The following EYA4 variants were observed in gnomAD, a reference collection of about 807,000 sequenced individuals.
EYA4 encodes the protein protein phosphatase EYA4.
EYA4 carries 31 observed loss-of-function variants against 87.9 expected under a neutral mutation model. The ratio of observed to expected loss-of-function variants is 0.35; its 90% CI spans 0.27 to 0.48. The LOEUF (loss-of-function observed/expected upper bound fraction) is 0.48. Among genes scored for constraint, EYA4 ranks in the 20% least tolerant of loss-of-function variants. The pLI is 0.99. For missense variants in EYA4, 678 were observed against 761.4 expected, an observed-to-expected ratio of 0.89 and a Z score of 1.29; for synonymous variants, 263 against 270.6, an observed-to-expected ratio of 0.97 and a Z score of 0.28.
At chr6:133,375,329 G>A (rs1375501151) in intron 2 of EYA4, among the ~76,000 whole-genome samples, 1 of 151,898 alleles carries the variant, frequency 6.6e-6, no homozygotes, top group Non-Finnish European at 1.5e-5. Flanking sequence ...TTATATTTAG[G>A]ATATGAGTAT....
Position 133,530,919 on chromosome 6 carries a change from C to G in EYA4, c.*2114C>G. On this transcript the variant is annotated 3_prime_UTR_variant, in exon 20 of 20. Coordinates refer to ENST00000355286, the MANE Select transcript of EYA4 (RefSeq NM_004100.5). ...AGCAGTTAAAAAAATTTAAATGTTG[C>G]CTTGATTATCAGTACTTAATTATGT... The G allele has an allele frequency of 8.9e-7, 1 of 1,124,426 alleles. No homozygotes were observed. Among genetic ancestry groups the G allele is most frequent in the Non-Finnish European group, 1.1e-6 (1 of 919,084 alleles). The allele number at this position is 1,124,426 out of a possible 1,614,324, so 69.7% of individuals were successfully genotyped here. A position where few individuals can be genotyped will look rare whatever the true frequency, so the allele number is the denominator to read the frequency against.
chr6:133,285,163 A>C (rs1337528738), intron 2 of EYA4, among the ~76,000 whole-genome samples: 1 of 151,514 alleles, frequency 6.6e-6, no homozygotes, highest in Non-Finnish European at 1.5e-5. Context: ...CGCCCGGCTA[A>C]TTTTTTGTAT....
intron 13 of EYA4, among the ~76,000 whole-genome samples, chr6:133,490,959 CACAAT>C (rs1337046258): frequency 2.6e-5 from 4 of 152,092 alleles, no homozygotes; most frequent in African/African-American, 9.7e-5. Flanking sequence ...CATGTTAGGC[CACAAT>C]ACAAGTCTTT....
At chr6:133,404,913 G>A (rs1271993662) in intron 3 of EYA4, among the ~76,000 whole-genome samples, 2 of 152,148 alleles carry the variant, frequency 1.3e-5, no homozygotes, top group African/African-American at 2.4e-5. Flanking sequence ...CAACATCTAC[G>A]ATTTCATTCT....
chr6:133,499,542 A>T (rs9483584), intron 13 of EYA4, among the ~76,000 whole-genome samples: 1 of 152,214 alleles, frequency 6.6e-6, no homozygotes, highest in African/African-American at 2.4e-5. Context: ...CCTTCATCAT[A>T]CAATTTAAGC....
chr6:133,358,688 T>C (rs1269347684), intron 2 of EYA4, among the ~76,000 whole-genome samples: 1 of 152,216 alleles, frequency 6.6e-6, no homozygotes, highest in Non-Finnish European at 1.5e-5. Context: ...ATTTGTTGAG[T>C]GCTATTCTGC....
chr6:133,473,953 CA>C (rs1795500884), intron 11 of EYA4, among the ~76,000 whole-genome samples: 1 of 151,998 alleles, frequency 6.6e-6, no homozygotes, highest in African/African-American at 2.4e-5. Flanking sequence ...TGTGTTGCAT[CA>C]AGGATCTTAC....
chr6:133,472,397 A>G (rs1795349135), intron 11 of EYA4, among the ~76,000 whole-genome samples: 1 of 94,642 alleles, frequency 1.1e-5, no homozygotes. Flanking sequence ...CATGTAGTTG[A>G]GTGGCTTTGA....
At chr6:133,285,763 A>G (rs9389065) in intron 2 of EYA4, among the ~76,000 whole-genome samples, 89,540 of 152,046 alleles carry the variant, frequency 0.59, 27,924 homozygotes, top group African/African-American at 0.79. Flanking sequence ...CATTGGGGTT[A>G]ATCTAAGATG....
At chr6:133,249,121 A>G (rs1222117753) in intron 1 of EYA4, among the ~76,000 whole-genome samples, 3 of 152,178 alleles carry the variant, frequency 2.0e-5, no homozygotes, top group African/African-American at 4.8e-5. Flanking sequence ...TGGGATGGAT[A>G]GATTTCTTTT....
At chr6:133,503,742 T>G (rs1295178403) in intron 13 of EYA4, among the ~76,000 whole-genome samples, 1 of 152,028 alleles carries the variant, frequency 6.6e-6, no homozygotes, top group Non-Finnish European at 1.5e-5. Flanking sequence ...ATTATAGGAA[T>G]TTTTCAACCA....
chr6:133,505,014 T>A (rs1798472368), intron 13 of EYA4, among the ~76,000 whole-genome samples: 1 of 152,156 alleles, frequency 6.6e-6, no homozygotes, highest in South Asian at 2.1e-4. Flanking sequence ...ACCAATAGTA[T>A]CCTTCTAGAC....
chr6:133,426,843 T>C (rs1159513549), intron 3 of EYA4, among the ~76,000 whole-genome samples: 2 of 152,232 alleles, frequency 1.3e-5, no homozygotes, highest in African/African-American at 2.4e-5. Context: ...CTGCATCATA[T>C]CTCCTTTCTA....
In EYA4 at chr6:133,481,910, A is replaced by G. The variant is rs372443108; in HGVS notation, c.1107+311A>G. ...AAACTATAGCCATTGTTTGTGGGAT[A>G]CTTTTCTATGTAGCACTGTATTCGA... On this transcript the variant is annotated intron_variant, in intron 12 of 19. Coordinates refer to ENST00000355286, the MANE Select transcript of EYA4 (RefSeq NM_004100.5). 2.8e-4 allele frequency among the ~76,000 whole-genome samples: 42 copies of G among 152,342 alleles called. 1 individual carries two copies. The South Asian group carries it at 8.5e-3, about 31-fold the overall frequency.
chr6:133,318,361 T>G (rs1264499870), intron 2 of EYA4, among the ~76,000 whole-genome samples: 1 of 152,212 alleles, frequency 6.6e-6, no homozygotes, highest in Non-Finnish European at 1.5e-5. Context: ...TTGTTCAGAA[T>G]TTGATGTAAA....
chr6:133,386,366 A>AT (rs2128487890), intron 3 of EYA4, among the ~76,000 whole-genome samples: 1 of 152,226 alleles, frequency 6.6e-6, no homozygotes, highest in African/African-American at 2.4e-5. Context: ...CATGAATCTT[A>AT]TTTTTTTAAC....
intron 16 of EYA4, among the ~76,000 whole-genome samples, chr6:133,513,380 C>A (rs1210881250): frequency 6.6e-6 from 1 of 152,146 alleles, no homozygotes; most frequent in Non-Finnish European, 1.5e-5. Context: ...AGAAAGAAGT[C>A]CTTTCTCAAG....
At chr6:133,488,917 G>C (rs1796906945) in intron 13 of EYA4, among the ~76,000 whole-genome samples, 1 of 152,122 alleles carries the variant, frequency 6.6e-6, no homozygotes, top group Non-Finnish European at 1.5e-5. Flanking sequence ...ACCAAACAAG[G>C]CACCAGTGAT....
chr6:133,290,203 C>A (rs2224382), intron 2 of EYA4, among the ~76,000 whole-genome samples: 61,130 of 151,968 alleles, frequency 0.4, 12,486 homozygotes, highest in South Asian at 0.47. Flanking sequence ...TGAGGGATTG[C>A]CCAACTTGTG....
Sources: gnomAD v4.1 joint callset for allele counts (sites outside exome capture counted in the v4.1 genomes callset) on GRCh38, gnomAD v4.1.1 for gene constraint, MANE v1.5 for transcripts, NCBI Gene and HGNC (gene_info 2026-07-23, HGNC 2026-07-21) for gene names.